NRXN3: variants seen among roughly 807,000 people sequenced by gnomAD.
NRXN3 encodes the protein neurexin 3, also known as neurexin III.
In NRXN3, 32 loss-of-function variants were observed where a neutral mutation model predicts 137.6. The ratio of observed to expected loss-of-function variants is 0.23; its 90% CI spans 0.18 to 0.31. NRXN3 has a LOEUF of 0.31. Among genes scored for constraint, NRXN3 ranks in the 10% least tolerant of loss-of-function variants. The probability of loss-of-function intolerance (pLI) is 1.00; values close to 1 mark genes in which losing one functional copy is unlikely to be tolerated. For synonymous variants in NRXN3, 798 were observed against 784.5 expected (o/e 1.02, Z -0.29); for missense variants, 1,574 against 2,062.5 (o/e 0.76, Z 4.59).
chr14:79,328,056 G>C (rs936332945), intron 15 of NRXN3, among the ~76,000 whole-genome samples: 1 of 152,050 alleles, frequency 6.6e-6, no homozygotes, highest in Non-Finnish European at 1.5e-5. Context: ...GGTCCTGTGT[G>C]ACTCTACCAT....
chr14:79,104,612 A>G (rs2052020392), intron 15 of NRXN3, among the ~76,000 whole-genome samples: 1 of 152,136 alleles, frequency 6.6e-6, no homozygotes, highest in Admixed American at 6.6e-5. Flanking sequence ...TTAGTGTCTG[A>G]ATTATCTCAT....
At chr14:79,481,178 T>C (rs1475255252) in intron 16 of NRXN3, among the ~76,000 whole-genome samples, 1 of 152,188 alleles carries the variant, frequency 6.6e-6, no homozygotes, top group African/African-American at 2.4e-5. Context: ...AATCAGAACT[T>C]CAATTTGCAG....
intron 10 of NRXN3, among the ~76,000 whole-genome samples, chr14:78,909,394 A>T (rs981501473): frequency 6.6e-6 from 1 of 152,148 alleles, no homozygotes; most frequent in Admixed American, 6.6e-5. Context: ...ACGTCCAAAT[A>T]AGAATAGCAT....
intron 6 of NRXN3, among the ~76,000 whole-genome samples, chr14:78,703,183 T>C (rs558197143): frequency 3.2e-4 from 49 of 152,244 alleles, no homozygotes; most frequent in Non-Finnish European, 5.6e-4. Context: ...TTCTTGCTCA[T>C]AAGGTGTTCG....
chr14:79,397,247 T>A (rs2095052369), intron 15 of NRXN3, among the ~76,000 whole-genome samples: 1 of 152,220 alleles, frequency 6.6e-6, no homozygotes, highest in Non-Finnish European at 1.5e-5. Context: ...TGCATGTGAA[T>A]GGACCATTTC....
At chr14:79,797,111 C>T (rs1397995484) in intron 19 of NRXN3, among the ~76,000 whole-genome samples, 3 of 152,152 alleles carry the variant, frequency 2.0e-5, no homozygotes, top group Non-Finnish European at 4.4e-5. Context: ...ATGCAAATGT[C>T]AGTACAAATG....
At chr14:78,658,457 T>C (rs2152669070) in intron 6 of NRXN3, among the ~76,000 whole-genome samples, 1 of 152,320 alleles carries the variant, frequency 6.6e-6, no homozygotes, top group Middle Eastern at 3.4e-3. Flanking sequence ...TGTTATTAAT[T>C]GAAACAAAAT....
chr14:78,270,061 A>G (rs73310357), intron 2 of NRXN3, among the ~76,000 whole-genome samples: 82 of 152,178 alleles, frequency 5.4e-4, no homozygotes, highest in African/African-American at 1.9e-3. Context: ...GACTGTCCCC[A>G]TTTTACAGAT....
At chr14:79,734,640 CTA>C (rs1353226972) in intron 19 of NRXN3, among the ~76,000 whole-genome samples, 1 of 151,978 alleles carries the variant, frequency 6.6e-6, no homozygotes, top group African/African-American at 2.4e-5. Flanking sequence ...TGGTGTATCT[CTA>C]TGCAGGCAAA....
intron 15 of NRXN3, among the ~76,000 whole-genome samples, chr14:79,398,614 C>A (rs1481282535): frequency 1.3e-5 from 2 of 151,922 alleles, no homozygotes; most frequent in African/African-American, 4.8e-5. Context: ...TGACTTTCTT[C>A]CTGTTCTCAA....
chr14:79,809,040 T>C (rs867069038), intron 20 of NRXN3, among the ~76,000 whole-genome samples: 1 of 152,142 alleles, frequency 6.6e-6, no homozygotes, highest in South Asian at 2.1e-4. Context: ...CTGGTAAATA[T>C]GTAGAGAAAT....
chr14:79,251,131 T>A (rs1217350323), intron 15 of NRXN3, among the ~76,000 whole-genome samples: 2 of 152,102 alleles, frequency 1.3e-5, no homozygotes, highest in Non-Finnish European at 2.9e-5. Flanking sequence ...TTTCCATAGG[T>A]GTGAAATAAG....
At chr14:78,214,653 C>A (rs2063077852) in intron 1 of NRXN3, among the ~76,000 whole-genome samples, 1 of 152,088 alleles carries the variant, frequency 6.6e-6, no homozygotes. Flanking sequence ...AGTGTTGAAA[C>A]AAAATACAAG....
intron 19 of NRXN3, among the ~76,000 whole-genome samples, chr14:79,737,967 T>C (rs2098947967): frequency 6.6e-6 from 1 of 152,150 alleles, no homozygotes; most frequent in Non-Finnish European, 1.5e-5. Flanking sequence ...GAGATTGGGA[T>C]GAGTGGGTTT....
intron 6 of NRXN3, among the ~76,000 whole-genome samples, chr14:78,685,980 C>T (rs965886278): frequency 6.6e-5 from 10 of 151,816 alleles, no homozygotes; most frequent in Non-Finnish European, 2.9e-5. Flanking sequence ...TTCCTGACTA[C>T]CCTGTACAAA....
intron 15 of NRXN3, among the ~76,000 whole-genome samples, chr14:79,190,790 CATCTT>C (rs1264822578): frequency 6.6e-6 from 1 of 152,118 alleles, no homozygotes; most frequent in African/African-American, 2.4e-5. Flanking sequence ...CCTTTCTTCT[CATCTT>C]ATCCTTCTAC....
chr14:79,628,401 C>T (rs1169294772), intron 16 of NRXN3, among the ~76,000 whole-genome samples: 3 of 152,180 alleles, frequency 2.0e-5, no homozygotes. Context: ...TATGTCCATT[C>T]TGTTGATCTT....
At chr14:78,885,236 T>C (rs973070140) in intron 10 of NRXN3, among the ~76,000 whole-genome samples, 3 of 150,308 alleles carry the variant, frequency 2.0e-5, no homozygotes, top group Non-Finnish European at 3.0e-5. Flanking sequence ...ATGTAAAAAG[T>C]ACATAGCCAT....
chr14:78,294,536 A>G (rs1208687253), intron 3 of NRXN3, among the ~76,000 whole-genome samples: 5 of 144,684 alleles, frequency 3.5e-5, no homozygotes, highest in Non-Finnish European at 7.5e-5. Flanking sequence ...AGCCTGGGCA[A>G]CAGAGTGAGA....
Sources: gnomAD v4.1 joint callset for allele counts (sites outside exome capture counted in the v4.1 genomes callset) on GRCh38, gnomAD v4.1.1 for gene constraint, MANE v1.5 for transcripts, NCBI Gene and HGNC (gene_info 2026-07-23, HGNC 2026-07-21) for gene names.